Variants in NRAP observed in about 807,000 individuals in gnomAD.
NRAP encodes nebulin-related-anchoring protein.
NRAP carries 189 observed loss-of-function variants against 225.9 expected under a neutral mutation model. That is an observed-to-expected ratio of 0.84 (90% CI 0.74 to 0.94). The LOEUF is 0.94. Among genes scored for constraint, NRAP ranks in the 40% least tolerant of loss-of-function variants. The probability of loss-of-function intolerance (pLI) is 0.00; values close to 1 mark genes in which losing one functional copy is unlikely to be tolerated. For missense variants in NRAP, 2,176 were observed against 2,168.7 expected, an observed-to-expected ratio of 1.00 and a Z score of -0.07; for synonymous variants, 769 against 790.7, an observed-to-expected ratio of 0.97 and a Z score of 0.46.
chr10:113,620,383 A>G (rs1172260747), intron 25 of NRAP, among the ~76,000 whole-genome samples: 1 of 152,104 alleles, frequency 6.6e-6, no homozygotes, highest in Non-Finnish European at 1.5e-5. Flanking sequence ...ATTATTATTC[A>G]TAATATCATT....
chr10:113,589,194 C>A, intron 41 of NRAP, 115 bp from the exon 42 acceptor site: 1 of 784,882 alleles, frequency 1.3e-6, no homozygotes, highest in South Asian at 1.8e-5. Context: ...GGCTCACCCT[C>A]CCTTTCCTTT....
Position 113,612,339 on chromosome 10 carries a change from G to C in NRAP, c.3393C>G (p.Thr1131=), listed in dbSNP as rs371831869. 1.2e-6 allele frequency: 2 copies of C among 1,614,122 alleles called. No homozygotes were observed. The highest frequency in any genetic ancestry group is 2.7e-5 in the African/African-American group (2 of 75,028). The change falls in exon 30 of 42, where the codon ACC becomes ACG. Residue 1131 remains threonine (T), a synonymous_variant. Coordinates refer to ENST00000359988, the MANE Select transcript of NRAP (RefSeq NM_198060.4). ...AALVHAKKAQ[T]LASNQDYKHP... Reference sequence around the variant, plus strand: ...GTTTGTAGTCCTGATTGCTGGCCAGGGTCTGAGCCTTCTTGGCATGCACCA... The same window carrying C: ...GTTTGTAGTCCTGATTGCTGGCCAGCGTCTGAGCCTTCTTGGCATGCACCA...
intron 13 of NRAP, among the ~76,000 whole-genome samples, 187 bp downstream of exon 13, chr10:113,641,178 A>T (rs1474233093): frequency 1.3e-5 from 2 of 152,170 alleles, no homozygotes; most frequent in African/African-American, 4.8e-5. Context: ...GCCTTTGAAA[A>T]TTTTCAGGGA....
chr10:113,605,802 GGGA>G lies in NRAP; in HGVS notation c.3872_3874del (p.Leu1291del), dbSNP rs1289762719. 6.2e-7 allele frequency: 1 copy of G among 1,614,078 alleles called. No homozygotes were observed. On this transcript the variant is annotated inframe_deletion, in exon 34 of 42. Coordinates refer to ENST00000359988, the MANE Select transcript of NRAP (RefSeq NM_198060.4). ...TCCAGAGGCCCGGGCAGCCTGGAAG[GGGA>G]GCGCTTCTATTGTCAGCTTGTAGCC... is the stretch of plus-strand genomic sequence containing the variant.
At chr10:113,629,550 A>C in intron 19 of NRAP, 38 bp downstream of exon 19, 23 of 1,393,642 alleles carry the variant, frequency 1.7e-5, no homozygotes, top group Non-Finnish European at 2.1e-5. Flanking sequence ...TCCAACTGCA[A>C]GAGATGCATG....
intron 37 of NRAP, among the ~76,000 whole-genome samples, chr10:113,596,759 A>C (rs936361410): frequency 6.6e-6 from 1 of 152,210 alleles, no homozygotes; most frequent in South Asian, 2.1e-4. Flanking sequence ...TTGAGAACTT[A>C]CTGTGTTCTA....
intron 35 of NRAP, among the ~76,000 whole-genome samples, chr10:113,600,643 C>A (rs918561213): frequency 3.9e-5 from 6 of 152,156 alleles, no homozygotes; most frequent in African/African-American, 1.4e-4. Flanking sequence ...CCTGGGGAAG[C>A]CAAAGAGACT....
intron 14 of NRAP, among the ~76,000 whole-genome samples, chr10:113,638,579 G>T (rs935421668): frequency 1.3e-5 from 2 of 152,156 alleles, no homozygotes; most frequent in Non-Finnish European, 1.5e-5. Context: ...TCAGAACCAG[G>T]AAGGTAAGCT....
intron 11 of NRAP, 94 bp downstream of exon 11, chr10:113,645,731 A>T: frequency 2.9e-6 from 2 of 694,570 alleles, no homozygotes; most frequent in Non-Finnish European, 4.8e-6. Flanking sequence ...TCACACTTTT[A>T]ACCAGAGCTT....
At chr10:113,624,985 G>A (rs1848206493) in intron 21 of NRAP, 55 bp from the exon 22 acceptor site, 1 of 1,064,670 alleles carries the variant, frequency 9.4e-7, no homozygotes, top group Non-Finnish European at 1.5e-6. Context: ...GGTGGGCAGG[G>A]TGGCATCCCT....
At position 113,606,285 on chromosome 10, in the gene NRAP, A is replaced by G. The variant is rs113183765; in HGVS notation, c.3703-3T>C. 1 of 1,563,482 alleles carries G rather than the reference A, an allele frequency of 6.4e-7. No individual in the cohort carries two copies. Among genetic ancestry groups the G allele is most frequent in the East Asian group, 2.2e-5 (1 of 44,572 alleles). ...TCTCCAGCTGCTTTATAGAGGCGCT[A>G]GGCCAAAAAAATATAATAATAATAA... On this transcript the variant is annotated splice_polypyrimidine_tract_variant and splice_region_variant and intron_variant, in intron 32 of 41. Transcript: ENST00000359988.
In NRAP at chr10:113,604,877, A is replaced by G. The variant is rs769901490; in HGVS notation, c.3959T>C (p.Ile1320Thr). ...GTCGTCTCTTACACTCTGGGGCCCT[A>G]TGAGTTTCCCTCGCTCCTTCACAAA... ...HDFVKERGKL[I>T]GPQSVRDDPR... Residue 1320 changes from isoleucine (I) to threonine (T), a missense_variant, in exon 35 of 42, where the codon ATA (isoleucine) becomes ACA (threonine). Physicochemically the swap from Ile to Thr is moderately conservative, Grantham distance 89. This residue lies in a region of NRAP where 1,708 missense variants were observed against 1,695.5 expected (regional missense o/e 1.01). Transcript: ENST00000359988. 35 of 1,613,990 alleles carry G rather than the reference A, an allele frequency of 2.2e-5. No homozygotes were observed. Among genetic ancestry groups the G allele is most frequent in the Admixed American group, 1.0e-4 (6 of 59,990 alleles).
intron 13 of NRAP, among the ~76,000 whole-genome samples, chr10:113,640,951 A>C (rs1849167495): frequency 6.6e-6 from 1 of 152,192 alleles, no homozygotes; most frequent in African/African-American, 2.4e-5. Flanking sequence ...AATGAATACA[A>C]TGATCAAAAA....
In NRAP at chr10:113,617,851, C is replaced by T. The variant is rs138260375; in HGVS notation, c.2875-298G>A. ...CTTAGAAAAGGATTCTTTTTATAGGCTTCAAATACTTTGTCGCAGTTGTTT... is the reference window on the plus strand; with the variant it reads ...CTTAGAAAAGGATTCTTTTTATAGGTTTCAAATACTTTGTCGCAGTTGTTT... On this transcript the variant is annotated intron_variant, in intron 25 of 41. Coordinates refer to ENST00000359988, the MANE Select transcript of NRAP (RefSeq NM_198060.4). 6.0e-4 allele frequency among the ~76,000 whole-genome samples: 91 copies of T among 152,244 alleles called. 1 individual carries two copies. The highest frequency in any genetic ancestry group is 2.2e-3 in the African/African-American group (90 of 41,556).
At chr10:113,627,336 C>T (rs770496971) in intron 20 of NRAP, among the ~76,000 whole-genome samples, 4 of 152,102 alleles carry the variant, frequency 2.6e-5, no homozygotes, top group South Asian at 2.1e-4. Flanking sequence ...GAAACTACTC[C>T]GTACAGAGCA....
chr10:113,590,634 C>T lies in NRAP; in HGVS notation c.4900G>A (p.Asp1634Asn), dbSNP rs560981716. 35 of 1,613,912 alleles carry T rather than the reference C, an allele frequency of 2.2e-5. No individual in the cohort carries two copies. The highest frequency in any genetic ancestry group is 3.3e-5 in the South Asian group (3 of 91,066). Reference sequence around the variant, plus strand: ...TGCCTGAGGCCCAGCTGCTCCGGGTCGCAGGTGGGCTGGGGCAGGGGCTGC... The same window carrying T: ...TGCCTGAGGCCCAGCTGCTCCGGGTTGCAGGTGGGCTGGGGCAGGGGCTGC... ...YRQPLPQPTC[D>N]PEQLGLRHAQ... The change falls in exon 40 of 42, where the codon GAC becomes AAC. Residue 1634 changes from aspartate to asparagine, a missense_variant. Transcript: ENST00000359988.
intron 20 of NRAP, among the ~76,000 whole-genome samples, chr10:113,626,944 C>A (rs1454301941): frequency 6.6e-6 from 1 of 152,214 alleles, no homozygotes; most frequent in East Asian, 1.9e-4. Context: ...ATTGAAACTG[C>A]CAAAGCTGCT....
At chr10:113,597,723 C>T (rs949451274) in intron 36 of NRAP, among the ~76,000 whole-genome samples, 3 of 152,166 alleles carry the variant, frequency 2.0e-5, no homozygotes, top group African/African-American at 4.8e-5. Context: ...GTTTAGATAA[C>T]GATTGTACAA....
chr10:113,621,697 G>C (rs995276524), intron 24 of NRAP, among the ~76,000 whole-genome samples, 172 bp downstream of exon 24: 1 of 152,220 alleles, frequency 6.6e-6, no homozygotes, highest in African/African-American at 2.4e-5. Flanking sequence ...AATCGGTCTA[G>C]TTTGAATAAA....
Sources: gnomAD v4.1 joint callset for allele counts (sites outside exome capture counted in the v4.1 genomes callset) on GRCh38, gnomAD v4.1.1 for gene constraint, gnomAD v4.1.1 regional missense constraint, MANE v1.5 for transcripts, NCBI Gene and HGNC (gene_info 2026-07-23, HGNC 2026-07-21) for gene names.